The following PTPN1 variants were observed in gnomAD, a reference collection of about 807,000 sequenced individuals.
PTPN1 encodes tyrosine-protein phosphatase non-receptor type 1.
In PTPN1, 12 loss-of-function variants were observed where a neutral mutation model predicts 59.9. The ratio of observed to expected loss-of-function variants is 0.20; its 90% CI spans 0.13 to 0.32. The LOEUF is 0.32. Among genes scored for constraint, PTPN1 ranks in the 10% least tolerant of loss-of-function variants. The probability of loss-of-function intolerance (pLI) is 1.00; values close to 1 mark genes in which losing one functional copy is unlikely to be tolerated. For synonymous variants in PTPN1, 178 were observed against 203.6 expected, an observed-to-expected ratio of 0.87 and a Z score of 1.07; for missense variants, 356 against 549.2, an observed-to-expected ratio of 0.65 and a Z score of 3.52.
intron 1 of PTPN1, among the ~76,000 whole-genome samples, chr20:50,551,369 G>A (rs2082701491): frequency 6.6e-6 from 1 of 152,216 alleles, no homozygotes; most frequent in Admixed American, 6.5e-5. Context: ...TCCTAGCCTA[G>A]CTAAATCATA....
At chr20:50,545,235 C>T (rs2082669854) in intron 1 of PTPN1, among the ~76,000 whole-genome samples, 1 of 152,164 alleles carries the variant, frequency 6.6e-6, no homozygotes, top group Admixed American at 6.5e-5. Context: ...GGATTACAGG[C>T]ATCAGCCACT....
chr20:50,552,706 A>G lies in PTPN1; in HGVS notation c.64-8657A>G, dbSNP rs1258165608. 2.7e-5 allele frequency among the ~76,000 whole-genome samples: 4 copies of G among 148,218 alleles called. No individual in the cohort carries two copies. The South Asian group carries it at 6.4e-4, about 24-fold the overall frequency. ...AAAAAAAATTTTTTTTTTTTTTTTA[A>G]CTAGCCAGGTATAGTGCTAATATAC... On this transcript the variant is annotated intron_variant, in intron 1 of 9. Coordinates refer to ENST00000371621, the MANE Select transcript of PTPN1 (RefSeq NM_002827.4).
chr20:50,533,690 G>GCCC (rs11471457), intron 1 of PTPN1, among the ~76,000 whole-genome samples: 2,109 of 149,798 alleles, frequency 0.014, 19 homozygotes, highest in East Asian at 0.037. Flanking sequence ...GGACACCCTT[G>GCCC]CCCCCCCCCA....
intron 1 of PTPN1, among the ~76,000 whole-genome samples, chr20:50,544,696 G>A (rs1298280344): frequency 3.3e-5 from 5 of 152,204 alleles, no homozygotes; most frequent in Non-Finnish European, 7.3e-5. Context: ...GAGACTGCAA[G>A]GGCCATGCCT....
intron 1 of PTPN1, among the ~76,000 whole-genome samples, chr20:50,559,866 T>G (rs2082743940): frequency 6.6e-6 from 1 of 152,064 alleles, no homozygotes; most frequent in African/African-American, 2.4e-5. Flanking sequence ...AAGGGTTTTT[T>G]TTTTTTTCTG....
At chr20:50,566,262 A>C (rs2082778661) in intron 3 of PTPN1, among the ~76,000 whole-genome samples, 1 of 152,068 alleles carries the variant, frequency 6.6e-6, no homozygotes, top group Non-Finnish European at 1.5e-5. Flanking sequence ...CTTTTTGGAG[A>C]AGTCAAATTT....
In PTPN1 at chr20:50,510,522, C is replaced by G; in HGVS notation, c.-6C>G. 2 of 1,549,708 alleles carry G rather than the reference C, an allele frequency of 1.3e-6. No individual in the cohort carries two copies. Among genetic ancestry groups the G allele is most frequent in the Non-Finnish European group, 1.7e-6 (2 of 1,146,096 alleles). On this transcript the variant is annotated 5_prime_UTR_variant, in exon 1 of 10. Coordinates refer to ENST00000371621, the MANE Select transcript of PTPN1 (RefSeq NM_002827.4). ...GAAGGAGGCGCAGCAGCCGCCCTGG[C>G]CCGTCATGGAGATGGAAAAGGAGTT...
intron 1 of PTPN1, among the ~76,000 whole-genome samples, chr20:50,526,605 C>A (rs1427212313): frequency 6.6e-6 from 1 of 152,182 alleles, no homozygotes; most frequent in African/African-American, 2.4e-5. Context: ...CTTTGACCTA[C>A]TGTTAAGCTC....
chr20:50,539,026 C>CTTTT (rs71190576), intron 1 of PTPN1, among the ~76,000 whole-genome samples: 18 of 85,296 alleles, frequency 2.1e-4, no homozygotes, highest in Non-Finnish European at 3.2e-4. Flanking sequence ...CTTCTCAATT[C>CTTTT]TTTTTTTTTT....
At chr20:50,516,798 C>T (rs887867315) in intron 1 of PTPN1, among the ~76,000 whole-genome samples, 64 of 152,274 alleles carry the variant, frequency 4.2e-4, no homozygotes, top group African/African-American at 1.5e-3. Context: ...TGAGAATTTA[C>T]GAAAGCTTCA....
intron 4 of PTPN1, chr20:50,571,680 G>A (rs900715185): frequency 6.6e-6 from 1 of 152,192 alleles, no homozygotes; most frequent in Non-Finnish European, 1.5e-5. Flanking sequence ...AACCAGTTAT[G>A]CAGAAGATGA....
In PTPN1 at chr20:50,582,087, G is replaced by C. The variant is rs117734753; in HGVS notation, c.1285-605G>C. On this transcript the variant is annotated intron_variant, in intron 9 of 9. Coordinates refer to ENST00000371621, the MANE Select transcript of PTPN1 (RefSeq NM_002827.4). This position sits in a 1 kb window ranked among gnomAD's most constrained non-coding sequence, Gnocchi z 4.2. ...ATAAGAAGAACAGCAACAAAAGGCC[G>C]TCTAGAAAAACAGAACCTGCCTCTG... 5.3e-5 allele frequency among the ~76,000 whole-genome samples: 8 copies of C among 152,216 alleles called. No homozygotes were observed. Among genetic ancestry groups the C allele is most frequent in the Non-Finnish European group, 1.5e-5 (1 of 68,032 alleles).
chr20:50,514,909 T>C (rs2082522503), intron 1 of PTPN1, among the ~76,000 whole-genome samples: 1 of 152,200 alleles, frequency 6.6e-6, no homozygotes, highest in South Asian at 2.1e-4. Flanking sequence ...GAGTAGTTGG[T>C]GATTCCCTCT....
intron 8 of PTPN1, among the ~76,000 whole-genome samples, chr20:50,580,577 A>G (rs2082862580): frequency 1.3e-5 from 2 of 152,136 alleles, no homozygotes; most frequent in Admixed American, 1.3e-4. Context: ...GTGCACGGAA[A>G]GTTTGCAGAA....
intron 8 of PTPN1, among the ~76,000 whole-genome samples, 160 bp from the exon 9 acceptor site, chr20:50,581,105 T>C (rs1405941415): frequency 3.3e-5 from 5 of 152,074 alleles, no homozygotes; most frequent in African/African-American, 9.7e-5. Flanking sequence ...GGCCTGGCCC[T>C]CCCTCCAAGC....
Position 50,581,150 on chromosome 20 carries a change from C to G in PTPN1, c.1089-115C>G, listed in dbSNP as rs1002647234. ...TGGCTCGCTGGAAGGTTAACATCAT[C>G]CAACTCTGTCTACACGTGGCTTGTT... On this transcript the variant is annotated intron_variant, in intron 8 of 9. Transcript: ENST00000371621. The G allele has an allele frequency of 2.1e-6, 3 of 1,440,330 alleles. No individual in the cohort carries two copies. The Admixed American group carries it at 8.0e-5, about 38-fold the overall frequency. 89.2% of individuals were successfully genotyped at this position (1,440,330 alleles called of 1,614,324 possible). A position where few individuals can be genotyped will look rare whatever the true frequency, so the allele number is the denominator to read the frequency against.
chr20:50,530,729 GTCACC>G (rs1263639618), intron 1 of PTPN1, among the ~76,000 whole-genome samples: 14 of 147,742 alleles, frequency 9.5e-5, no homozygotes, highest in Non-Finnish European at 1.9e-4. Flanking sequence ...GTTTCACTCT[GTCACC>G]CAGGCTGGAG....
intron 1 of PTPN1, among the ~76,000 whole-genome samples, chr20:50,534,689 A>G (rs900227477): frequency 5.3e-5 from 8 of 152,034 alleles, no homozygotes. Flanking sequence ...ATTTACTCTG[A>G]CATCCAGTTG....
Position 50,566,157 on chromosome 20 carries a change from G to A in PTPN1, c.255+1088G>A, listed in dbSNP as rs1324911425. Reference sequence around the variant, plus strand: ...AGCCCCTGGTCCTCCCAGCACCTCTGGGGTATTTAGGGGAGGCTGATGGGG... The same window carrying A: ...AGCCCCTGGTCCTCCCAGCACCTCTAGGGTATTTAGGGGAGGCTGATGGGG... On this transcript the variant is annotated intron_variant, in intron 3 of 9. Coordinates refer to ENST00000371621, the MANE Select transcript of PTPN1 (RefSeq NM_002827.4). Among the ~76,000 whole-genome samples, 4 of 152,286 alleles carry A rather than the reference G, an allele frequency of 2.6e-5. No homozygotes were observed. In the South Asian group the frequency reaches 8.3e-4, roughly 32 times the overall value.
Sources: gnomAD v4.1 joint callset for allele counts (sites outside exome capture counted in the v4.1 genomes callset) on GRCh38, gnomAD v4.1.1 for gene constraint, Gnocchi (gnomAD v3.1) non-coding constraint, MANE v1.5 for transcripts, NCBI Gene and HGNC (gene_info 2026-07-23, HGNC 2026-07-21) for gene names.